ANKS1B: variants seen among roughly 807,000 people sequenced by gnomAD.
ANKS1B encodes the protein ankyrin repeat and sterile alpha motif domain containing 1B, also known as ankyrin repeat and sterile alpha motif domain-containing protein 1B.
In ANKS1B, 36 loss-of-function variants were observed where a neutral mutation model predicts 148.3. The ratio of observed to expected loss-of-function variants is 0.24; its 90% CI spans 0.19 to 0.32. The LOEUF (loss-of-function observed/expected upper bound fraction) is 0.32, where lower values mean the gene tolerates loss of function less well. ANKS1B is among the 10% of genes least tolerant of loss of function. The pLI is 1.00. For synonymous variants in ANKS1B, 542 were observed against 560.8 expected, an observed-to-expected ratio of 0.97 and a Z score of 0.47; for missense variants, 1,157 against 1,542.6, an observed-to-expected ratio of 0.75 and a Z score of 4.19.
intron 12 of ANKS1B, among the ~76,000 whole-genome samples, chr12:99,281,348 AG>A (rs1156939770): frequency 6.6e-6 from 1 of 152,226 alleles, no homozygotes; most frequent in Non-Finnish European, 1.5e-5. Flanking sequence ...TAACTGTTTC[AG>A]TGGAATGAAT....
At chr12:99,755,282 C>T (rs937191042) in intron 8 of ANKS1B, among the ~76,000 whole-genome samples, 2 of 151,942 alleles carry the variant, frequency 1.3e-5, no homozygotes, top group African/African-American at 4.8e-5. Flanking sequence ...CACATATACC[C>T]TCCCAAGACT....
At chr12:99,121,677 C>G (rs1186806264) in intron 15 of ANKS1B, among the ~76,000 whole-genome samples, 2 of 152,124 alleles carry the variant, frequency 1.3e-5, no homozygotes, top group Admixed American at 1.3e-4. Context: ...TAATAATAAC[C>G]ATAGCCACGG....
intron 17 of ANKS1B, among the ~76,000 whole-genome samples, chr12:98,927,009 G>T (rs140293915): frequency 5.9e-5 from 9 of 152,172 alleles, no homozygotes; most frequent in African/African-American, 2.2e-4. Flanking sequence ...ATCCACACAT[G>T]CAAGAAGCCC....
At chr12:99,323,307 A>T (rs2085669187) in intron 12 of ANKS1B, among the ~76,000 whole-genome samples, 1 of 152,240 alleles carries the variant, frequency 6.6e-6, no homozygotes, top group South Asian at 2.1e-4. Context: ...AGTGAAAAAT[A>T]CATAATACCT....
At chr12:99,707,606 T>C (rs990676287) in intron 8 of ANKS1B, among the ~76,000 whole-genome samples, 8 of 152,082 alleles carry the variant, frequency 5.3e-5, no homozygotes, top group African/African-American at 1.7e-4. Context: ...GGAAATTTCC[T>C]TTGCTTTTAA....
rs2095056110 is a variant in ANKS1B at position 99,946,171 on chromosome 12, GCT to G, written c.134+37931_134+37932del. ...AAGACCAGAAAGAGTAGACATTCTT[GCT>G]CTGAGTGGGGAAAGGAGGAGGAGAG... is the stretch of plus-strand genomic sequence containing the variant. On this transcript the variant is annotated intron_variant, in intron 1 of 26. Transcript: ENST00000683438. 2.6e-5 allele frequency among the ~76,000 whole-genome samples: 4 copies of G among 152,264 alleles called. No individual in the cohort carries two copies. In the South Asian group the frequency reaches 6.2e-4, roughly 24 times the overall value.
At chr12:99,219,608 CT>C (rs1269840706) in intron 14 of ANKS1B, among the ~76,000 whole-genome samples, 1 of 152,126 alleles carries the variant, frequency 6.6e-6, no homozygotes, top group African/African-American at 2.4e-5. Context: ...AGGTTACAGG[CT>C]TTTGTGAAAA....
intron 12 of ANKS1B, among the ~76,000 whole-genome samples, chr12:99,375,052 G>A (rs2093334729): frequency 6.6e-6 from 1 of 152,192 alleles, no homozygotes; most frequent in Non-Finnish European, 1.5e-5. Context: ...GAGTCTATGA[G>A]TTTGGATCAC....
intron 25 of ANKS1B, among the ~76,000 whole-genome samples, chr12:98,763,984 T>C (rs2098447315): frequency 6.6e-6 from 1 of 152,248 alleles, no homozygotes; most frequent in African/African-American, 2.4e-5. Flanking sequence ...TGTCATGCAC[T>C]GCAGCCCAAC....
chr12:99,695,595 G>A (rs2053770425), intron 8 of ANKS1B, among the ~76,000 whole-genome samples: 1 of 152,092 alleles, frequency 6.6e-6, no homozygotes, highest in Admixed American at 6.6e-5. Flanking sequence ...GGTCTACCTG[G>A]CCTAAATAAG....
intron 13 of ANKS1B, 119 bp downstream of exon 13, chr12:99,246,156 G>T (rs2073848674): frequency 4.2e-6 from 3 of 721,322 alleles, no homozygotes; most frequent in Non-Finnish European, 6.5e-6. Flanking sequence ...ATTCCAGTTG[G>T]AGCCGTATGC....
At chr12:99,900,654 T>C (rs1310020185) in intron 1 of ANKS1B, among the ~76,000 whole-genome samples, 1 of 152,116 alleles carries the variant, frequency 6.6e-6, no homozygotes, top group Non-Finnish European at 1.5e-5. Flanking sequence ...GAAGATTACA[T>C]TATCCCCACA....
intron 14 of ANKS1B, among the ~76,000 whole-genome samples, chr12:99,216,659 G>A (rs2084247998): frequency 6.6e-6 from 1 of 152,130 alleles, no homozygotes. Context: ...GAGATCTGTG[G>A]GTTTCCCCTT....
At chr12:99,715,448 T>C (rs890733388) in intron 8 of ANKS1B, among the ~76,000 whole-genome samples, 4 of 152,234 alleles carry the variant, frequency 2.6e-5, no homozygotes, top group East Asian at 1.9e-4. Context: ...TTCCTTTACC[T>C]ACCCAAATCT....
chr12:99,851,285 T>C (rs1279774010), intron 1 of ANKS1B, among the ~76,000 whole-genome samples: 1 of 152,142 alleles, frequency 6.6e-6, no homozygotes, highest in Non-Finnish European at 1.5e-5. Context: ...TTAACATTTT[T>C]ATTCAGAAGT....
At chr12:99,049,909 C>T (rs2099964857) in intron 17 of ANKS1B, among the ~76,000 whole-genome samples, 1 of 152,172 alleles carries the variant, frequency 6.6e-6, no homozygotes, top group South Asian at 2.1e-4. Flanking sequence ...TTCCCCTCCA[C>T]CAGCTGACTT....
At chr12:99,367,529 G>C (rs2092835865) in intron 12 of ANKS1B, among the ~76,000 whole-genome samples, 1 of 152,092 alleles carries the variant, frequency 6.6e-6, no homozygotes, top group Admixed American at 6.6e-5. Context: ...CCACTTCTAT[G>C]AATATTCCCC....
chr12:99,743,874 T>C lies in ANKS1B; in HGVS notation c.1128+29048A>G, dbSNP rs376906407. Among the ~76,000 whole-genome samples, 38 of 152,320 alleles carry C rather than the reference T, an allele frequency of 2.5e-4. No individual in the cohort carries two copies. In the South Asian group the frequency reaches 7.7e-3, roughly 31 times the overall value. ...AAAGTTCTGATGCATCTTTAAATAA[T>C]GGGTTTTGAAAAAAGCTTCATACAT... On this transcript the variant is annotated intron_variant, in intron 8 of 26. Transcript: ENST00000683438.
At chr12:99,811,015 G>A (rs1484544376) in intron 3 of ANKS1B, among the ~76,000 whole-genome samples, 3 of 151,682 alleles carry the variant, frequency 2.0e-5, no homozygotes, top group Admixed American at 6.6e-5. Context: ...TTAAAGACTG[G>A]GTGCATTCTT....
Sources: allele counts gnomAD v4.1 joint callset (sites outside exome capture counted in the v4.1 genomes callset), GRCh38; gene constraint gnomAD v4.1.1; transcripts MANE v1.5; gene names NCBI Gene and HGNC (gene_info 2026-07-23, HGNC 2026-07-21).